Variants in HMCN1 observed in about 807,000 individuals in gnomAD.
The protein encoded by HMCN1 is hemicentin-1.
HMCN1 carries 321 observed loss-of-function variants against 625.9 expected under a neutral mutation model. The ratio of observed to expected loss-of-function variants is 0.51; its 90% CI spans 0.47 to 0.56. HMCN1 has a LOEUF of 0.56. Among genes scored for constraint, HMCN1 ranks in the 20% least tolerant of loss-of-function variants. The pLI is 0.00. For missense variants in HMCN1, 6,588 were observed against 6,887.3 expected, an observed-to-expected ratio of 0.96 and a Z score of 1.54; for synonymous variants, 2,425 against 2,417.6, an observed-to-expected ratio of 1.00 and a Z score of -0.09.
intron 4 of HMCN1, among the ~76,000 whole-genome samples, chr1:185,890,731 G>C (rs372889267): frequency 1.1e-4 from 7 of 65,894 alleles, no homozygotes; most frequent in East Asian, 3.5e-4. Context: ...TTACTTCCAA[G>C]TATGTGGTCA....
rs573110879 is a variant in HMCN1 at position 186,045,872 on chromosome 1, A to G, written c.6480+9A>G. The G allele has an allele frequency of 8.2e-6, 13 of 1,588,346 alleles. No homozygotes were observed. Among genetic ancestry groups the G allele is most frequent in the Non-Finnish European group, 1.1e-5 (13 of 1,156,980 alleles). On this transcript the variant is annotated intron_variant, in intron 41 of 106. Coordinates refer to ENST00000271588, the MANE Select transcript of HMCN1 (RefSeq NM_031935.3). ...ATAGAAGTGTGTTAAAGGTAAGGAT[A>G]TGGATTCATTTATTTTACCTTATGT...
chr1:186,007,217 G>A lies in HMCN1; in HGVS notation c.4565G>A (p.Arg1522His), dbSNP rs886045671. ...LKNARRNDKG[R>H]YQCTVSNAAG... ...AATGCACGGAGAAATGACAAGGGGCGCTACCAATGTACTGTGTCTAATGCA... is the reference window on the plus strand; with the variant it reads ...AATGCACGGAGAAATGACAAGGGGCACTACCAATGTACTGTGTCTAATGCA... The change falls in exon 30 of 107, where the codon CGC becomes CAC. Residue 1522 changes from arginine (R) to histidine (H), a missense_variant. Transcript: ENST00000271588. The A allele has an allele frequency of 2.6e-5, 42 of 1,613,272 alleles. No individual in the cohort carries two copies. The highest frequency in any genetic ancestry group is 3.1e-5 in the Non-Finnish European group (36 of 1,179,482).
At position 185,786,500 on chromosome 1, in the gene HMCN1, G is replaced by T. The variant is rs190356104; in HGVS notation, c.268+51453G>T. On this transcript the variant is annotated intron_variant, in intron 1 of 106. Transcript: ENST00000271588. ...TTCAAATTGGCATCTGGGCTTCGTT[G>T]TCTCATCTGGAGTTCTCTAGCATCT... Among the ~76,000 whole-genome samples, 788 of 152,272 alleles carry T rather than the reference G, an allele frequency of 5.2e-3. 5 individuals are homozygous for T. Among genetic ancestry groups the T allele is most frequent in the Middle Eastern group, 0.01 (3 of 292 alleles).
intron 11 of HMCN1, among the ~76,000 whole-genome samples, chr1:185,938,940 T>G (rs1392587868): frequency 6.6e-6 from 1 of 152,184 alleles, no homozygotes; most frequent in Non-Finnish European, 1.5e-5. Flanking sequence ...ATCCAAGAAT[T>G]TAATCTAGTT....
rs910295216 is a variant in HMCN1 at position 186,107,109 on chromosome 1, G to A, written c.10852+144G>A. 18 of 656,896 alleles carry A rather than the reference G, an allele frequency of 2.7e-5. 1 individual carries two copies. Among genetic ancestry groups the A allele is most frequent in the East Asian group, 1.7e-4 (6 of 35,472 alleles). 40.7% of individuals were successfully genotyped at this position (656,896 alleles called of 1,614,324 possible). ...ATCTGAATCTTTTTTTTTTTGAGAC[G>A]GAGTCTCGCTTTGTCGCCCAGGCTG... On this transcript the variant is annotated intron_variant, in intron 70 of 106. Transcript: ENST00000271588.
rs138440972 is a variant in HMCN1, at chr1:186,125,753, A to C, written c.12649A>C (p.Thr4217Pro). 2 of 1,613,410 alleles carry C rather than the reference A, an allele frequency of 1.2e-6. No individual in the cohort carries two copies. The highest frequency in any genetic ancestry group is 1.7e-6 in the Non-Finnish European group (2 of 1,179,440). ...TTTAGCTAACTTGTTAGGAAAATACACTGCTGAACCATATGGAGAACTCAT... is the reference window on the plus strand; with the variant it reads ...TTTAGCTAACTTGTTAGGAAAATACCCTGCTGAACCATATGGAGAACTCAT... The part of the protein sequence containing the change: ...VLLANLLGKY[T>P]AEPYGELILE... The change falls in exon 82 of 107, where the codon ACT becomes CCT. Residue 4217 changes from threonine (T) to proline (P), a missense_variant. Physicochemically the swap from Thr to Pro is conservative, Grantham distance 38. This residue lies in a region of HMCN1 where 1,954 missense variants were observed against 2,013.1 expected (regional missense o/e 0.97). Coordinates refer to ENST00000271588, the MANE Select transcript of HMCN1 (RefSeq NM_031935.3).
chr1:185,873,076 A>G (rs1434184612), intron 4 of HMCN1, among the ~76,000 whole-genome samples: 1 of 152,214 alleles, frequency 6.6e-6, no homozygotes, highest in Non-Finnish European at 1.5e-5. Context: ...ACACTAGCCA[A>G]TAAGTTGCAT....
At chr1:185,991,457 A>G (rs1378073337) in intron 22 of HMCN1, among the ~76,000 whole-genome samples, 2 of 152,148 alleles carry the variant, frequency 1.3e-5, no homozygotes, top group Non-Finnish European at 2.9e-5. Context: ...CTTGGTATGC[A>G]TTCTACACAT....
In HMCN1 at chr1:186,116,938, G is replaced by A. The variant is rs1661161610; in HGVS notation, c.11562-56G>A. The A allele has an allele frequency of 6.9e-6, 11 of 1,598,692 alleles. No homozygotes were observed. The Middle Eastern group carries it at 5.0e-4, about 73-fold the overall frequency. ...ACATGGTACCATGTTAAACTAGCTG[G>A]GAAAATTTATGAAAACCTACATATA... On this transcript the variant is annotated intron_variant, in intron 75 of 106. Transcript: ENST00000271588.
chr1:186,031,828 T>C (rs1476048365), intron 36 of HMCN1, among the ~76,000 whole-genome samples: 1 of 152,108 alleles, frequency 6.6e-6, no homozygotes, highest in African/African-American at 2.4e-5. Context: ...TTCATTTGGC[T>C]TTTAAAAGTA....
Position 186,038,937 on chromosome 1 carries a change from G to T in HMCN1, c.5960G>T (p.Gly1987Val). Reference sequence around the variant, plus strand: ...GAAAGTGCCCAGATCTCAGATGCTGGCATATATAAATGCGTGGCCATCAAC... The same window carrying T: ...GAAAGTGCCCAGATCTCAGATGCTGTCATATATAAATGCGTGGCCATCAAC... The part of the protein sequence containing the change: ...DIESAQISDA[G>V]IYKCVAINSA... Residue 1987 changes from glycine to valine, a missense_variant, in exon 38 of 107, where the codon GGC becomes GTC. By Grantham distance (109) the Gly-to-Val change is moderately radical (BLOSUM62 -3). This residue lies in a region of HMCN1 where 4,628 missense variants were observed against 4,853.1 expected (regional missense o/e 0.95). Transcript: ENST00000271588. The T allele has an allele frequency of 6.2e-7, 1 of 1,612,168 alleles. No individual in the cohort carries two copies. Among genetic ancestry groups the T allele is most frequent in the Non-Finnish European group, 8.5e-7 (1 of 1,178,368 alleles).
chr1:186,074,919 T>C (rs771385212), intron 53 of HMCN1, 28 bp downstream of exon 53: 1 of 1,530,184 alleles, frequency 6.5e-7, no homozygotes. Flanking sequence ...TTGTATATAA[T>C]GTAATTTATA....
rs558553877 is a variant in HMCN1 at position 186,070,770 on chromosome 1, T to A, written c.8139+13T>A. 8 of 1,613,294 alleles carry A rather than the reference T, an allele frequency of 5.0e-6. No homozygotes were observed. The highest frequency in any genetic ancestry group is 6.8e-6 in the Non-Finnish European group (8 of 1,179,394). On this transcript the variant is annotated intron_variant, in intron 52 of 106. Transcript: ENST00000271588. The stretch of plus-strand genomic sequence containing the variant: ...CAAGGATGGACAGGCCAGTCACAAC[T>A]TTTTTCATTTGCTGATGATTTCTTA...
intron 10 of HMCN1, among the ~76,000 whole-genome samples, chr1:185,932,707 C>T (rs761294595): frequency 5.3e-5 from 8 of 151,746 alleles, no homozygotes; most frequent in Non-Finnish European, 1.0e-4. Context: ...CATCACACAC[C>T]AGGGCCTGTT....
intron 1 of HMCN1, among the ~76,000 whole-genome samples, chr1:185,776,864 T>C (rs1196349952): frequency 6.6e-6 from 1 of 152,244 alleles, no homozygotes; most frequent in African/African-American, 2.4e-5. Context: ...TTACAGATTT[T>C]CTTTCAGTAA....
In HMCN1 at chr1:186,178,659, G is replaced by C. The variant is rs745547522; in HGVS notation, c.16187G>C (p.Ser5396Thr). ...TACAGACAGTACTCACATCTCTACA[G>C]CTCCTACTCAGAGTATAGAAACAGC... ...QHYRQYSHLY[S>T]SYSEYRNSRT... is the part of the protein sequence containing the mutation. Residue 5396 changes from serine to threonine, a missense_variant, in exon 104 of 107, where the codon AGC becomes ACC. Coordinates refer to ENST00000271588, the MANE Select transcript of HMCN1 (RefSeq NM_031935.3). The C allele has an allele frequency of 6.2e-7, 1 of 1,613,864 alleles. No homozygotes were observed.
At chr1:186,156,847 T>C (rs536067310) in intron 97 of HMCN1, among the ~76,000 whole-genome samples, 1 of 152,294 alleles carries the variant, frequency 6.6e-6, no homozygotes, top group Non-Finnish European at 1.5e-5. Context: ...ATTTGTTGAG[T>C]GCCTACTATG....
chr1:186,017,955 A>G (rs1468708818), intron 33 of HMCN1, among the ~76,000 whole-genome samples: 1 of 151,942 alleles, frequency 6.6e-6, no homozygotes, highest in Admixed American at 6.6e-5. Flanking sequence ...TTGTAGCCTA[A>G]AATTAGTAGA....
At chr1:185,762,162 C>A (rs1321675) in intron 1 of HMCN1, among the ~76,000 whole-genome samples, 5,842 of 152,230 alleles carry the variant, frequency 0.038, 325 homozygotes, top group African/African-American at 0.13. Context: ...TACACTCTAG[C>A]CTACATTTCA....
Sources: allele counts gnomAD v4.1 joint callset (sites outside exome capture counted in the v4.1 genomes callset), GRCh38; gene constraint gnomAD v4.1.1; regional missense constraint gnomAD v4.1.1; transcripts MANE v1.5; gene names NCBI Gene and HGNC (gene_info 2026-07-23, HGNC 2026-07-21).